Variants in THADA observed in about 807,000 individuals in gnomAD.
THADA encodes THADA armadillo repeat containing.
THADA carries 213 observed loss-of-function variants against 219.8 expected under a neutral mutation model. The observed-to-expected ratio is 0.97, with a 90% CI of 0.87 to 1.09. THADA has a LOEUF of 1.09. THADA is among the 50% of genes least tolerant of loss of function. The probability of loss-of-function intolerance (pLI) is 0.00; values close to 1 mark genes in which losing one functional copy is unlikely to be tolerated. For synonymous variants in THADA, 1,018 were observed against 828.9 expected, an observed-to-expected ratio of 1.23 and a Z score of -3.92; for missense variants, 2,956 against 2,311.3, an observed-to-expected ratio of 1.28 and a Z score of -5.72.
At chr2:43,521,834 C>T (rs920019292) in intron 22 of THADA, among the ~76,000 whole-genome samples, 1 of 152,222 alleles carries the variant, frequency 6.6e-6, no homozygotes, top group Admixed American at 6.5e-5. Flanking sequence ...ACCCAACTAA[C>T]TGGTCATTAG....
At chr2:43,572,302 G>C (rs1699385848) in intron 12 of THADA, among the ~76,000 whole-genome samples, 1 of 152,166 alleles carries the variant, frequency 6.6e-6, no homozygotes, top group Non-Finnish European at 1.5e-5. Flanking sequence ...AAACCAGCTG[G>C]TGCCTGGGAA....
chr2:43,280,977 G>T (rs1361695256), intron 35 of THADA, among the ~76,000 whole-genome samples: 4 of 152,252 alleles, frequency 2.6e-5, no homozygotes, highest in Non-Finnish European at 5.9e-5. Flanking sequence ...AGGTGAGCAT[G>T]GCCTCCCAGA....
rs367565525 is a variant in THADA at position 43,578,615 on chromosome 2, G to A, written c.722-8C>T. On this transcript the variant is annotated splice_polypyrimidine_tract_variant and splice_region_variant and intron_variant, in intron 8 of 37. Transcript: ENST00000405975. ...CAGTCTGTAACAGATCATCTATTTGGCAAAAAAGGAGAGAAGCTTGTGTTA... is the reference window on the plus strand; with the variant it reads ...CAGTCTGTAACAGATCATCTATTTGACAAAAAAGGAGAGAAGCTTGTGTTA... The A allele has an allele frequency of 3.8e-6, 6 of 1,566,262 alleles. No individual in the cohort carries two copies. In the African/African-American group the frequency reaches 8.2e-5, roughly 22 times the overall value.
intron 29 of THADA, among the ~76,000 whole-genome samples, chr2:43,369,659 A>C (rs1024289714): frequency 1.3e-5 from 2 of 152,190 alleles, no homozygotes; most frequent in African/African-American, 4.8e-5. Flanking sequence ...CAAAATCTCC[A>C]GGACAGGCAC....
chr2:43,315,203 T>C (rs1387032997), intron 31 of THADA, among the ~76,000 whole-genome samples: 1 of 152,232 alleles, frequency 6.6e-6, no homozygotes, highest in Non-Finnish European at 1.5e-5. Context: ...CATATTTAAA[T>C]ACATTTAATT....
At chr2:43,243,768 G>C (rs1273646103) in intron 36 of THADA, among the ~76,000 whole-genome samples, 1 of 152,172 alleles carries the variant, frequency 6.6e-6, no homozygotes, top group African/African-American at 2.4e-5. Context: ...CTACTTGAGA[G>C]AAAACCCTTT....
At chr2:43,570,326 G>A in intron 14 of THADA, 62 bp downstream of exon 14, 3 of 1,451,538 alleles carry the variant, frequency 2.1e-6, no homozygotes, top group Admixed American at 2.2e-5. Flanking sequence ...TCCCTTTAAT[G>A]CTTATTCATA....
intron 26 of THADA, among the ~76,000 whole-genome samples, chr2:43,462,214 T>G (rs1038018697): frequency 2.0e-5 from 3 of 152,182 alleles, no homozygotes; most frequent in African/African-American, 7.2e-5. Flanking sequence ...CTCTGGTTAA[T>G]AAAACACCTG....
intron 22 of THADA, among the ~76,000 whole-genome samples, chr2:43,512,317 C>T (rs1690585750): frequency 6.6e-6 from 1 of 152,134 alleles, no homozygotes; most frequent in Admixed American, 6.5e-5. Context: ...TGAACTCTAC[C>T]ACCGGTTCCC....
intron 26 of THADA, among the ~76,000 whole-genome samples, chr2:43,478,730 G>C (rs1353931934): frequency 6.6e-6 from 1 of 152,168 alleles, no homozygotes; most frequent in South Asian, 2.1e-4. Flanking sequence ...CTTCGTCCAC[G>C]TAAGAGTCAA....
intron 31 of THADA, among the ~76,000 whole-genome samples, chr2:43,308,389 T>C (rs996117151): frequency 1.3e-4 from 20 of 151,508 alleles, no homozygotes; most frequent in South Asian, 8.3e-4. Context: ...GGGCAAGAGA[T>C]GGAGGAAATA....
At chr2:43,242,484 ATTCTT>A (rs1382305590) in intron 36 of THADA, among the ~76,000 whole-genome samples, 1 of 152,164 alleles carries the variant, frequency 6.6e-6, no homozygotes, top group East Asian at 1.9e-4. Flanking sequence ...CAGCACCTAT[ATTCTT>A]TTTTCTTTTT....
chr2:43,312,070 C>A (rs2104440403), intron 31 of THADA, among the ~76,000 whole-genome samples: 1 of 152,192 alleles, frequency 6.6e-6, no homozygotes, highest in South Asian at 2.1e-4. Flanking sequence ...AGAAAAACCA[C>A]TAGGTTGGCA....
intron 22 of THADA, among the ~76,000 whole-genome samples, chr2:43,518,851 T>G (rs948098923): frequency 1.3e-5 from 2 of 152,118 alleles, no homozygotes; most frequent in Non-Finnish European, 1.5e-5. Flanking sequence ...CCCAGAATGC[T>G]GGACATTTAC....
intron 30 of THADA, among the ~76,000 whole-genome samples, chr2:43,338,147 A>C (rs1005384776): frequency 1.4e-4 from 21 of 146,592 alleles, no homozygotes; most frequent in Non-Finnish European, 1.9e-4. Context: ...GTAACAAATC[A>C]CCAGAACTTT....
rs1424804812 is a variant in THADA, at chr2:43,515,040, AT to A, written c.3375-6261del. Among the ~76,000 whole-genome samples, 194 of 36,234 alleles carry A rather than the reference AT, an allele frequency of 5.4e-3. 9 individuals are homozygous for A. The highest frequency in any genetic ancestry group is 0.021 in the African/African-American group (181 of 8,720). The allele number at this position is 36,234 out of a possible 152,430, so 23.8% of individuals were successfully genotyped here. A position where few individuals can be genotyped will look rare whatever the true frequency, so the allele number is the denominator to read the frequency against. On this transcript the variant is annotated intron_variant, in intron 22 of 37. Transcript: ENST00000405975. The stretch of plus-strand genomic sequence containing the variant: ...TATATTTTATATATAATATATATAA[AT>A]ATATATATTTTATATATAATATATT...
chr2:43,438,030 G>A (rs926006899), intron 26 of THADA, among the ~76,000 whole-genome samples: 1 of 152,004 alleles, frequency 6.6e-6, no homozygotes, highest in African/African-American at 2.4e-5. Flanking sequence ...GGCCAGGCGC[G>A]GTGGCTCACG....
In THADA at chr2:43,481,014, T is replaced by C. The variant is rs573075961; in HGVS notation, c.3836+4220A>G. The stretch of plus-strand genomic sequence containing the variant: ...GCCCTGCAGCTTTCAATTTTAGTTT[T>C]GAGAATTCAATTCTTTCCCAAACAA... On this transcript the variant is annotated intron_variant, in intron 26 of 37. Coordinates refer to ENST00000405975, the MANE Select transcript of THADA (RefSeq NM_022065.5). 3.9e-5 allele frequency among the ~76,000 whole-genome samples: 6 copies of C among 152,356 alleles called. No homozygotes were observed. The South Asian group carries it at 1.2e-3, about 32-fold the overall frequency.
At chr2:43,357,164 T>C (rs1206299890) in intron 29 of THADA, among the ~76,000 whole-genome samples, 1 of 152,160 alleles carries the variant, frequency 6.6e-6, no homozygotes, top group Non-Finnish European at 1.5e-5. Context: ...ACAGATGAAA[T>C]CCAAATAGCC....
Sources: gnomAD v4.1 joint callset for allele counts (sites outside exome capture counted in the v4.1 genomes callset) on GRCh38, gnomAD v4.1.1 for gene constraint, MANE v1.5 for transcripts, NCBI Gene and HGNC (gene_info 2026-07-23, HGNC 2026-07-21) for gene names.